Variants in APC2 observed in about 807,000 individuals in gnomAD.
The protein encoded by APC2 is adenomatous polyposis coli protein 2.
In APC2, 41 loss-of-function variants were observed where a neutral mutation model predicts 72.5. That is an observed-to-expected ratio of 0.57 (90% CI 0.44 to 0.73). The LOEUF (loss-of-function observed/expected upper bound fraction) is 0.73, where lower values mean the gene tolerates loss of function less well. APC2 is among the 30% of genes least tolerant of loss of function. The pLI, the probability that APC2 is intolerant of heterozygous loss-of-function variation, is 0.00. For missense variants in APC2, 3,729 were observed against 3,403.4 expected (o/e 1.10, Z -2.38); for synonymous variants, 1,898 against 1,612.0 (o/e 1.18, Z -4.25).
chr19:1,455,552 G>T, intron 6 of APC2, 52 bp downstream of exon 6: 1 of 1,522,402 alleles, frequency 6.6e-7, no homozygotes, highest in South Asian at 1.2e-5. Context: ...TGCGCCAGTG[G>T]GCAAATCAGA....
Position 1,467,824 on chromosome 19 carries a change from G to C in APC2, c.4523G>C (p.Cys1508Ser). ...ACGCCCACTGAGGAGGCCGTGTACT[G>C]CTTCTACGGCAACGACTCGGACGAG... ...LTTPTEEAVY[C>S]FYGNDSDEEP... is the part of the protein sequence containing the mutation. Residue 1508 changes from cysteine (C) to serine (S), a missense_variant, in exon 15 of 15, where the codon TGC becomes TCC. Cys to Ser is a moderately radical substitution (Grantham distance 112). Transcript: ENST00000590469. 2 of 1,516,830 alleles carry C rather than the reference G, an allele frequency of 1.3e-6. No homozygotes were observed. The highest frequency in any genetic ancestry group is 1.8e-6 in the Non-Finnish European group (2 of 1,139,670). The allele number at this position is 1,516,830 out of a possible 1,614,324, so 94.0% of individuals were successfully genotyped here.
In APC2 at chr19:1,464,668, C is replaced by A. The variant is rs575783243; in HGVS notation, c.1854-487C>A. Among the ~76,000 whole-genome samples the A allele has an allele frequency of 5.4e-5, 6 of 111,306 alleles. No individual in the cohort carries two copies. In the South Asian group the frequency reaches 1.8e-3, roughly 34 times the overall value. The allele number at this position is 111,306 out of a possible 152,430, so 73.0% of individuals were successfully genotyped here. A position where few individuals can be genotyped will look rare whatever the true frequency, so the allele number is the denominator to read the frequency against. ...TTTTTTTTTGAGATGGATTCTTGGT[C>A]TCTTGCCAGGCTGGAGTGCAGTGGC... On this transcript the variant is annotated intron_variant, in intron 14 of 14. Transcript: ENST00000590469.
In APC2 at chr19:1,468,191, G is replaced by A. The variant is rs1465444664; in HGVS notation, c.4890G>A (p.Gln1630=). The A allele has an allele frequency of 1.4e-6, 2 of 1,462,846 alleles. No homozygotes were observed. Among genetic ancestry groups the A allele is most frequent in the Non-Finnish European group, 1.8e-6 (2 of 1,116,590 alleles). 90.6% of individuals were successfully genotyped at this position (1,462,846 alleles called of 1,614,324 possible). The change falls in exon 15 of 15, where the codon CAG becomes CAA. Residue 1630 remains glutamine (Q), a synonymous_variant. Transcript: ENST00000590469. ...CGCGGGCCGCGGAGGAGCTTCTGCAGCGGTGCATCAGCTCGGCCCTGCCCA... is the reference window on the plus strand; with the variant it reads ...CGCGGGCCGCGGAGGAGCTTCTGCAACGGTGCATCAGCTCGGCCCTGCCCA... ...PSPRAAEELL[Q]RCISSALPRR...
At position 1,468,494 on chromosome 19, in the gene APC2, GCCC is replaced by G. The variant is rs886040957; in HGVS notation, c.5197_5199del (p.Pro1733del). The G allele has an allele frequency of 1.5e-5, 24 of 1,604,812 alleles. No homozygotes were observed. Among genetic ancestry groups the G allele is most frequent in the Non-Finnish European group, 2.0e-5 (23 of 1,176,850 alleles). On this transcript the variant is annotated inframe_deletion, in exon 15 of 15. Transcript: ENST00000590469. ...GGCTGTCAGTGGGATCCACCCTACA[GCCC>G]CCCAAGCACAGGAAGGGACGACAGG...
At chr19:1,453,224 C>A (rs144976480) in intron 2 of APC2, 23 bp from the exon 3 acceptor site, 1 of 1,558,254 alleles carries the variant, frequency 6.4e-7, no homozygotes, top group Admixed American at 1.9e-5. Flanking sequence ...GATGGCTTCC[C>A]GCCCTCTTTC....
At position 1,453,267 on chromosome 19, in the gene APC2, G is replaced by A. The variant is rs751320227; in HGVS notation, c.162G>A (p.Gln54=). 8.3e-6 allele frequency: 13 copies of A among 1,569,118 alleles called. No individual in the cohort carries two copies. Among genetic ancestry groups the A allele is most frequent in the Non-Finnish European group, 9.5e-6 (11 of 1,156,852 alleles). ...SGMKEVLKHL[Q]GKLEQEARVL... ...TGCAGGAGGTCCTGAAGCACCTACAGGGAAAACTGGAGCAGGAGGCCCGAG... is the reference window on the plus strand; with the variant it reads ...TGCAGGAGGTCCTGAAGCACCTACAAGGAAAACTGGAGCAGGAGGCCCGAG... The change falls in exon 3 of 15, where the codon CAG becomes CAA. Residue 54 remains glutamine, a synonymous_variant. Transcript: ENST00000590469.
upstream of APC2, chr19:1,446,410 G>A (rs1599122863): frequency 1.0e-6 from 1 of 973,598 alleles, no homozygotes; most frequent in Non-Finnish European, 1.2e-6. The surrounding 1 kb of genome is among the most constrained non-coding windows in gnomAD (Gnocchi z 6.1). Context: ...GGTCCACACC[G>A]CGGGAACAGC....
At chr19:1,456,573 AG>A (rs1165334524) in intron 8 of APC2, among the ~76,000 whole-genome samples, 169 bp downstream of exon 8, 1 of 152,014 alleles carries the variant, frequency 6.6e-6, no homozygotes. Flanking sequence ...GGGCCTGGCG[AG>A]GTGGATGGGG....
At chr19:1,457,711 T>C in intron 9 of APC2, 1 of 564,000 alleles carries the variant, frequency 1.8e-6, no homozygotes, top group Non-Finnish European at 3.2e-6. Context: ...AGTTTTATTT[T>C]TAAAAAGGGC....
Position 1,469,434 on chromosome 19 carries a change from G to C in APC2, c.6133G>C (p.Glu2045Gln). 8.6e-7 allele frequency: 1 copy of C among 1,167,562 alleles called. No homozygotes were observed. The highest frequency in any genetic ancestry group is 1.1e-6 in the Non-Finnish European group (1 of 949,378). 72.3% of individuals were successfully genotyped at this position (1,167,562 alleles called of 1,614,324 possible). The part of the protein sequence containing the change: ...AVFLCSSRCE[E>Q]LRAAPRQGPA... ...CTTCCTCTGCTCCTCGCGCTGCGAA[G>C]AGCTCCGAGCGGCACCCCGGCAGGG... Residue 2045 changes from glutamate to glutamine, a missense_variant, in exon 15 of 15, where the codon GAG (glutamate) becomes CAG (glutamine). By Grantham distance (29) the Glu-to-Gln change is conservative (BLOSUM62 2). Coordinates refer to ENST00000590469, the MANE Select transcript of APC2 (RefSeq NM_005883.3).
chr19:1,457,082 C>A lies in APC2; in HGVS notation c.1046C>A (p.Ala349Glu). 6.4e-7 allele frequency: 1 copy of A among 1,562,324 alleles called. No homozygotes were observed. The highest frequency in any genetic ancestry group is 8.6e-7 in the Non-Finnish European group (1 of 1,160,318). The change falls in exon 9 of 15, where the codon GCG becomes GAG. Residue 349 changes from alanine (A) to glutamate (E), a missense_variant. Ala to Glu is a moderately radical substitution (Grantham distance 107). Transcript: ENST00000590469. The part of the protein sequence containing the change: ...GAKDARMRAN[A>E]ALHNIVFSQP... ...AAGGACGCACGCATGCGCGCCAACG[C>A]GGCGCTGCACAACATCGTCTTCTCG...
chr19:1,446,638 C>G (rs974355757), upstream of APC2, among the ~76,000 whole-genome samples: 4 of 152,056 alleles, frequency 2.6e-5, no homozygotes, highest in East Asian at 1.9e-4. The surrounding 1 kb of genome is among the most constrained non-coding windows in gnomAD (Gnocchi z 6.1). Context: ...ACCCTCGGAC[C>G]CCTCCTCACT....
At chr19:1,455,917 C>T (rs1355103023) in intron 6 of APC2, among the ~76,000 whole-genome samples, 159 bp from the exon 7 acceptor site, 2 of 33,556 alleles carry the variant, frequency 6.0e-5, no homozygotes, top group African/African-American at 2.8e-4. Context: ...GCTGGCAGGG[C>T]TGGATCAGGG....
At position 1,462,220 on chromosome 19, in the gene APC2, G is replaced by A. The variant is rs545241926; in HGVS notation, c.1853+43G>A. ...CACCCGCACACAGGCAGCTGCGCTC[G>A]GGGCGGGCACAGGGCTGGGCTGGGC... is the stretch of plus-strand genomic sequence containing the variant. On this transcript the variant is annotated intron_variant, in intron 14 of 14. Transcript: ENST00000590469. 51 of 1,491,724 alleles carry A rather than the reference G, an allele frequency of 3.4e-5. No homozygotes were observed. In the East Asian group the frequency reaches 4.5e-4, roughly 13 times the overall value. 92.4% of individuals were successfully genotyped at this position (1,491,724 alleles called of 1,614,324 possible). A position where few individuals can be genotyped will look rare whatever the true frequency, so the allele number is the denominator to read the frequency against.
At chr19:1,461,798 G>A (rs749753979) in intron 13 of APC2, 165 bp from the exon 14 acceptor site, 2 of 618,198 alleles carry the variant, frequency 3.2e-6, no homozygotes, top group South Asian at 4.1e-5. Context: ...CCTGCAGTGA[G>A]TCGAGATCTC....
Position 1,466,434 on chromosome 19 carries a change from G to A in APC2, c.3133G>A (p.Ala1045Thr). ...HLSKVPEKLA[A>T]APLSVASKAL... The stretch of plus-strand genomic sequence containing the variant: ...GAGCAAGGTTCCCGAGAAGCTGGCG[G>A]CTGCCCCGCTGTCTGTGGCCAGCAA... The change falls in exon 15 of 15, where the codon GCT becomes ACT. Residue 1045 changes from alanine to threonine, a missense_variant. Physicochemically the swap from Ala to Thr is moderately conservative, Grantham distance 58. Transcript: ENST00000590469. 6.3e-7 allele frequency: 1 copy of A among 1,597,142 alleles called. No individual in the cohort carries two copies. The highest frequency in any genetic ancestry group is 8.5e-7 in the Non-Finnish European group (1 of 1,178,906).
intron 9 of APC2, 164 bp downstream of exon 9, chr19:1,457,407 A>G (rs2083851845): frequency 9.8e-7 from 1 of 1,022,442 alleles, no homozygotes; most frequent in Non-Finnish European, 1.3e-6. Context: ...TGACGTTGGG[A>G]AAAGACCCGC....
upstream of APC2, among the ~76,000 whole-genome samples, chr19:1,447,711 G>T (rs2083699914): frequency 6.6e-6 from 1 of 152,128 alleles, no homozygotes; most frequent in Non-Finnish European, 1.5e-5. Flanking sequence ...TGGGGCCAAG[G>T]GCATCTTGTC....
chr19:1,457,202 AGGCCCGAGACGGCG>A lies in APC2; in HGVS notation c.1175_1188del (p.Asp392GlyfsTer28). On this transcript the variant is annotated frameshift_variant, in exon 9 of 15. Transcript: ENST00000590469. LOFTEE classifies it high-confidence loss of function. ...TGCGAGACCTGCTGGGACTGGCTGC[AGGCCCGAGACGGCG>A]GGCCCGAGGGAGGTGGCGCCGGCAG... 1.3e-6 allele frequency: 2 copies of A among 1,555,808 alleles called. No homozygotes were observed. The highest frequency in any genetic ancestry group is 1.7e-6 in the Non-Finnish European group (2 of 1,153,454).
Sources: gnomAD v4.1 joint callset for allele counts (sites outside exome capture counted in the v4.1 genomes callset) on GRCh38, gnomAD v4.1.1 for gene constraint, Gnocchi (gnomAD v3.1) non-coding constraint, MANE v1.5 for transcripts, NCBI Gene and HGNC (gene_info 2026-07-23, HGNC 2026-07-21) for gene names.